The following CD58 variants were observed in gnomAD, a reference collection of about 807,000 sequenced individuals.
CD58 encodes the protein lymphocyte function-associated antigen 3.
CD58 carries 14 observed loss-of-function variants against 27.6 expected under a neutral mutation model. The observed-to-expected ratio is 0.51, with a 90% CI of 0.34 to 0.79. The LOEUF (loss-of-function observed/expected upper bound fraction) is 0.79. Ranked by LOEUF, CD58 falls within the 30% of genes least tolerant of loss-of-function variation. The pLI is 0.02. For synonymous variants in CD58, 117 were observed against 103.8 expected (o/e 1.13, Z -0.77); for missense variants, 268 against 301.7 (o/e 0.89, Z 0.83).
intron 1 of CD58, among the ~76,000 whole-genome samples, chr1:116,545,456 T>C (rs1658137834): frequency 6.6e-6 from 1 of 152,000 alleles, no homozygotes; most frequent in Non-Finnish European, 1.5e-5. Context: ...GTGTTTGTAG[T>C]GGGGACAGAC....
At position 116,550,232 on chromosome 1, in the gene CD58, C is replaced by A. The variant is rs1053178406; in HGVS notation, c.71-5628G>T. On this transcript the variant is annotated intron_variant, in intron 1 of 5. Coordinates refer to ENST00000369489, the MANE Select transcript of CD58 (RefSeq NM_001779.3). The surrounding 1 kb of genome is among the most constrained non-coding windows in gnomAD (Gnocchi z 4.2). ...GGACCCTTCCTTTCACAAAATATTT[C>A]TCAGAGGCATCCAATGCTGTTTGAT... Among the ~76,000 whole-genome samples the A allele has an allele frequency of 6.6e-6, 1 of 152,184 alleles. No individual in the cohort carries two copies. The highest frequency in any genetic ancestry group is 2.4e-5 in the African/African-American group (1 of 41,436).
rs1261759741 is a variant in CD58, at chr1:116,570,806, G to C, written c.70+97C>G. ...CAGCGACCCGTCCCCACCCGTCTCT[G>C]ATCGGCAACCGCCTCGAGCCCGGCG... On this transcript the variant is annotated intron_variant, in intron 1 of 5. Coordinates refer to ENST00000369489, the MANE Select transcript of CD58 (RefSeq NM_001779.3). This position sits in a 1 kb window ranked among gnomAD's most constrained non-coding sequence, Gnocchi z 6.4. 1.1e-6 allele frequency: 1 copy of C among 945,152 alleles called. No individual in the cohort carries two copies. Among genetic ancestry groups the C allele is most frequent in the African/African-American group, 1.7e-5 (1 of 58,610 alleles). 58.5% of individuals were successfully genotyped at this position (945,152 alleles called of 1,614,324 possible). A position where few individuals can be genotyped will look rare whatever the true frequency, so the allele number is the denominator to read the frequency against.
chr1:116,560,052 G>A (rs556579863), intron 1 of CD58: 5 of 153,452 alleles, frequency 3.3e-5, no homozygotes, highest in Admixed American at 2.0e-4. Context: ...AGTAATTGCC[G>A]GTTTTTGCCA....
Position 116,534,432 on chromosome 1 carries a change from C to T in CD58, c.628+1533G>A, listed in dbSNP as rs550028249. Among the ~76,000 whole-genome samples the T allele has an allele frequency of 2.0e-3, 305 of 152,316 alleles. 2 individuals are homozygous for T. Among genetic ancestry groups the T allele is most frequent in the Admixed American group, 5.8e-3 (89 of 15,314 alleles). On this transcript the variant is annotated intron_variant, in intron 3 of 5. Coordinates refer to ENST00000369489, the MANE Select transcript of CD58 (RefSeq NM_001779.3). This position sits in a 1 kb window ranked among gnomAD's most constrained non-coding sequence, Gnocchi z 5.3. Reference sequence around the variant, plus strand: ...CCTGAATGCTCCTCCGGGTGCGCCGCGGCCCTCCGGGTACGCGGGGCTGGC... The same window carrying T: ...CCTGAATGCTCCTCCGGGTGCGCCGTGGCCCTCCGGGTACGCGGGGCTGGC...
At chr1:116,520,139 T>C (rs1310494101) in intron 4 of CD58, among the ~76,000 whole-genome samples, 1 of 152,194 alleles carries the variant, frequency 6.6e-6, no homozygotes, top group Non-Finnish European at 1.5e-5. Context: ...TGTTTGTTTG[T>C]TTTTTGAGAC....
intron 1 of CD58, among the ~76,000 whole-genome samples, chr1:116,553,763 A>T (rs1187807125): frequency 6.6e-6 from 1 of 152,218 alleles, no homozygotes; most frequent in Admixed American, 6.5e-5. Flanking sequence ...AGTGGCTCCA[A>T]TGGAGGCCAT....
intron 3 of CD58, chr1:116,533,693 A>T: frequency 1.5e-6 from 1 of 682,996 alleles, no homozygotes; most frequent in East Asian, 3.1e-5. Flanking sequence ...TCTCCAGCCA[A>T]TTTCTCCTCC....
chr1:116,533,270 A>C, intron 3 of CD58: 1 of 1,160,932 alleles, frequency 8.6e-7, no homozygotes, highest in Non-Finnish European at 1.3e-6. Context: ...CAGTGCCTGG[A>C]CCCTTACGCT....
At chr1:116,555,556 A>G (rs1658533988) in intron 1 of CD58, among the ~76,000 whole-genome samples, 1 of 152,134 alleles carries the variant, frequency 6.6e-6, no homozygotes, top group Non-Finnish European at 1.5e-5. Flanking sequence ...TGTTTTGAAG[A>G]ATTTTGAATT....
chr1:116,515,853 G>A lies in CD58; in HGVS notation c.744-1031C>T, dbSNP rs1002895301. Among the ~76,000 whole-genome samples, 1 of 152,148 alleles carries A rather than the reference G, an allele frequency of 6.6e-6. No individual in the cohort carries two copies. Among genetic ancestry groups the A allele is most frequent in the Non-Finnish European group, 1.5e-5 (1 of 68,028 alleles). ...GAACTGCCTGGGTGAGAAGTGTGGC[G>A]TGGCCATTTCCCGTCAGATGTCTGC... On this transcript the variant is annotated intron_variant, in intron 5 of 5. Transcript: ENST00000369489. The surrounding 1 kb of genome is among the most constrained non-coding windows in gnomAD (Gnocchi z 4.6).
chr1:116,540,774 T>C (rs1469446889), intron 2 of CD58, among the ~76,000 whole-genome samples: 1 of 152,224 alleles, frequency 6.6e-6, no homozygotes, highest in Non-Finnish European at 1.5e-5. Flanking sequence ...ACCATACCTT[T>C]GCTGAGGTGC....
At chr1:116,551,297 T>C (rs1658380703) in intron 1 of CD58, among the ~76,000 whole-genome samples, 1 of 152,248 alleles carries the variant, frequency 6.6e-6, no homozygotes, top group Non-Finnish European at 1.5e-5. Context: ...TTGTTTCATG[T>C]ATCCTGCACC....
Position 116,515,636 on chromosome 1 carries a change from A to C in CD58, c.744-814T>G, listed in dbSNP as rs1657055444. 6.6e-6 allele frequency among the ~76,000 whole-genome samples: 1 copy of C among 152,104 alleles called. No homozygotes were observed. Among genetic ancestry groups the C allele is most frequent in the South Asian group, 2.1e-4 (1 of 4,824 alleles). The stretch of plus-strand genomic sequence containing the variant: ...GGTCTCTGCTTCCCTGCCCTCTCCC[A>C]GCAGTCTCCTCACCCACTACAAGGA... On this transcript the variant is annotated intron_variant, in intron 5 of 5. Transcript: ENST00000369489. The surrounding 1 kb of genome is among the most constrained non-coding windows in gnomAD (Gnocchi z 4.6).
At chr1:116,554,768 A>G (rs967098631) in intron 1 of CD58, among the ~76,000 whole-genome samples, 2 of 152,136 alleles carry the variant, frequency 1.3e-5, no homozygotes, top group Non-Finnish European at 2.9e-5. Flanking sequence ...TACTATTATA[A>G]TATTAAAACT....
intron 5 of CD58, among the ~76,000 whole-genome samples, chr1:116,518,288 A>G (rs1254088253): frequency 1.3e-5 from 2 of 151,946 alleles, no homozygotes; most frequent in Non-Finnish European, 2.9e-5. Context: ...CTAGCTCTGC[A>G]TATTCAGTTC....
At chr1:116,525,737 T>C (rs1038288054) in intron 3 of CD58, among the ~76,000 whole-genome samples, 3 of 152,184 alleles carry the variant, frequency 2.0e-5, no homozygotes, top group Non-Finnish European at 4.4e-5. Flanking sequence ...AGGCGTGAAG[T>C]GGTATTTCAT....
rs35150803 is a variant in CD58, at chr1:116,569,598, CTT to C, written c.70+1303_70+1304del. On this transcript the variant is annotated intron_variant, in intron 1 of 5. Transcript: ENST00000369489. ...TTCCCTCTGTACCCTCACAGCTCAC[CTT>C]TTTTTTTTTTTTTTTTTTTTGAGAC... 7.8e-3 allele frequency among the ~76,000 whole-genome samples: 865 copies of C among 110,892 alleles called. 7 individuals carry two copies. The highest frequency in any genetic ancestry group is 0.026 in the African/African-American group (690 of 26,844). 72.7% of individuals were successfully genotyped at this position (110,892 alleles called of 152,430 possible).
chr1:116,521,392 A>G lies in CD58; in HGVS notation c.706+514T>C, dbSNP rs1001865915. 6.6e-6 allele frequency among the ~76,000 whole-genome samples: 1 copy of G among 152,188 alleles called. No individual in the cohort carries two copies. The highest frequency in any genetic ancestry group is 6.5e-5 in the Admixed American group (1 of 15,274). Reference sequence around the variant, plus strand: ...GAACAGGCTGGGAACAAATTCTCCAAGTCATCAGTTCTCCAAGCTGTATGA... The same window carrying G: ...GAACAGGCTGGGAACAAATTCTCCAGGTCATCAGTTCTCCAAGCTGTATGA... On this transcript the variant is annotated intron_variant, in intron 4 of 5. Coordinates refer to ENST00000369489, the MANE Select transcript of CD58 (RefSeq NM_001779.3). The surrounding 1 kb of genome is among the most constrained non-coding windows in gnomAD (Gnocchi z 5.6).
At chr1:116,526,391 CA>C (rs1042125529) in intron 3 of CD58, among the ~76,000 whole-genome samples, 3 of 152,168 alleles carry the variant, frequency 2.0e-5, no homozygotes, top group African/African-American at 7.2e-5. Context: ...TGTTTAGATT[CA>C]TTTTTTTGCA....
Sources: gnomAD v4.1 joint callset for allele counts (sites outside exome capture counted in the v4.1 genomes callset) on GRCh38, gnomAD v4.1.1 for gene constraint, Gnocchi (gnomAD v3.1) non-coding constraint, MANE v1.5 for transcripts, NCBI Gene and HGNC (gene_info 2026-07-23, HGNC 2026-07-21) for gene names.